The following GRIP1 variants were observed in gnomAD, a reference collection of about 807,000 sequenced individuals.
GRIP1 encodes glutamate receptor-interacting protein 1.
Under a neutral mutation model 129.9 loss-of-function variants are expected in GRIP1, and 45 were observed. The observed-to-expected ratio is 0.35, with a 90% CI of 0.27 to 0.44. The LOEUF is 0.44. Among genes scored for constraint, GRIP1 ranks in the 20% least tolerant of loss-of-function variants. The pLI, the probability that GRIP1 is intolerant of heterozygous loss-of-function variation, is 1.00. For missense variants in GRIP1, 1,196 were observed against 1,396.8 expected (o/e 0.86, Z 2.29); for synonymous variants, 530 against 520.8 (o/e 1.02, Z -0.24).
chr12:66,427,321 GAGA>G (rs965455609), intron 14 of GRIP1, among the ~76,000 whole-genome samples: 3 of 152,046 alleles, frequency 2.0e-5, no homozygotes, highest in Non-Finnish European at 2.9e-5. Flanking sequence ...TGTAGGGTGG[GAGA>G]AGAAGTAAAG....
chr12:66,878,728 C>A (rs759057299), intron 1 of GRIP1, among the ~76,000 whole-genome samples: 57 of 152,052 alleles, frequency 3.7e-4, no homozygotes, highest in Non-Finnish European at 4.7e-4. Flanking sequence ...ACATTGTTAG[C>A]TGGTAAACTA....
intron 1 of GRIP1, among the ~76,000 whole-genome samples, chr12:66,606,807 CA>C (rs1235488741): frequency 1.3e-5 from 2 of 152,084 alleles, no homozygotes; most frequent in Non-Finnish European, 2.9e-5. Context: ...TCAGTACTCA[CA>C]ACAATGTAAT....
At chr12:66,726,413 T>C (rs1487481323) in intron 1 of GRIP1, among the ~76,000 whole-genome samples, 1 of 152,134 alleles carries the variant, frequency 6.6e-6, no homozygotes, top group Non-Finnish European at 1.5e-5. Context: ...GCTTTCCTTA[T>C]CTATAAAATG....
At chr12:66,685,699 T>A (rs187607014) in intron 1 of GRIP1, among the ~76,000 whole-genome samples, 1 of 152,162 alleles carries the variant, frequency 6.6e-6, no homozygotes, top group Non-Finnish European at 1.5e-5. Flanking sequence ...GGGAAGAAAT[T>A]AGATTTCTAA....
At position 67,002,760 on chromosome 12, in the gene GRIP1, C is replaced by T. The variant is rs183966345; in HGVS notation, c.58+66290G>A. On this transcript the variant is annotated intron_variant, in intron 1 of 1. Transcript: ENST00000643019. ...TTTCTTCTTTCCTTTTCTTTATCTA[C>T]TTTTATTTTTTCTTTCCTTTCTTTC... Among the ~76,000 whole-genome samples, 108 of 150,610 alleles carry T rather than the reference C, an allele frequency of 7.2e-4. 4 individuals are homozygous for T. Among genetic ancestry groups the T allele is most frequent in the Admixed American group, 6.5e-3 (98 of 15,032 alleles).
intron 7 of GRIP1, among the ~76,000 whole-genome samples, chr12:66,491,806 G>A (rs1434866538): frequency 6.6e-6 from 1 of 152,072 alleles, no homozygotes; most frequent in Non-Finnish European, 1.5e-5. Context: ...TTGCCACCAA[G>A]GCAAAAAATT....
At chr12:66,917,617 CATTATT>C (rs1228522242) in intron 1 of GRIP1, among the ~76,000 whole-genome samples, 1 of 152,082 alleles carries the variant, frequency 6.6e-6, no homozygotes, top group Non-Finnish European at 1.5e-5. Context: ...GCTTCATTTT[CATTATT>C]ATTTATCCAA....
rs190494740 is a variant in GRIP1, at chr12:66,623,639, C to T, written c.56-26712G>A. On this transcript the variant is annotated intron_variant, in intron 1 of 24. Transcript: ENST00000359742. The stretch of plus-strand genomic sequence containing the variant: ...TCCTAACTGGGGCTCACATACCAGT[C>T]ATCCCTTCCCTCTTTCTGTTTCTTC... Among the ~76,000 whole-genome samples the T allele has an allele frequency of 1.3e-4, 20 of 152,284 alleles. 2 individuals are homozygous for T. In the South Asian group the frequency reaches 3.5e-3, roughly 27 times the overall value.
At chr12:66,829,331 G>A (rs760418008) in intron 1 of GRIP1, among the ~76,000 whole-genome samples, 3 of 152,124 alleles carry the variant, frequency 2.0e-5, no homozygotes, top group Non-Finnish European at 4.4e-5. Context: ...AACTGGGAAG[G>A]GAAAGGGACA....
chr12:66,915,369 G>C (rs1308184559), intron 1 of GRIP1, among the ~76,000 whole-genome samples: 1 of 152,224 alleles, frequency 6.6e-6, no homozygotes, highest in Non-Finnish European at 1.5e-5. Flanking sequence ...TGGGGTGGTA[G>C]TGGAAAAGAC....
chr12:66,688,251 C>G (rs1459128070), intron 1 of GRIP1, among the ~76,000 whole-genome samples: 1 of 152,098 alleles, frequency 6.6e-6, no homozygotes, highest in East Asian at 1.9e-4. Context: ...GATTCTTGAT[C>G]TGCAAAATAA....
At chr12:66,693,329 G>C (rs2136321803) in intron 1 of GRIP1, among the ~76,000 whole-genome samples, 1 of 152,260 alleles carries the variant, frequency 6.6e-6, no homozygotes, top group South Asian at 2.1e-4. Context: ...TGGGTTTGTG[G>C]ATTCTCTTTA....
At chr12:66,666,348 A>T (rs1257410147) in intron 1 of GRIP1, among the ~76,000 whole-genome samples, 5 of 152,118 alleles carry the variant, frequency 3.3e-5, no homozygotes, top group African/African-American at 1.2e-4. Context: ...TCTGCCAAAA[A>T]TTTTTTAAAA....
chr12:66,999,095 T>A (rs1274712757), intron 1 of GRIP1, among the ~76,000 whole-genome samples: 1 of 152,070 alleles, frequency 6.6e-6, no homozygotes, highest in Non-Finnish European at 1.5e-5. Flanking sequence ...TTCATAACAA[T>A]GATAACATCA....
At chr12:66,611,014 G>C (rs1292441027) in intron 1 of GRIP1, among the ~76,000 whole-genome samples, 1 of 152,084 alleles carries the variant, frequency 6.6e-6, no homozygotes, top group Non-Finnish European at 1.5e-5. Flanking sequence ...TTTTGCTTAA[G>C]ACAAGCTTAA....
chr12:66,862,410 G>A (rs2040128149), intron 1 of GRIP1, among the ~76,000 whole-genome samples: 1 of 152,040 alleles, frequency 6.6e-6, no homozygotes, highest in African/African-American at 2.4e-5. Flanking sequence ...CTTCTTGGAG[G>A]CCAGTTTCAT....
At chr12:67,055,215 T>C (rs1323358200) in intron 1 of GRIP1, among the ~76,000 whole-genome samples, 1 of 152,156 alleles carries the variant, frequency 6.6e-6, no homozygotes, top group Non-Finnish European at 1.5e-5. Context: ...AACTTCATGT[T>C]TGTATGCTGG....
chr12:66,694,329 T>C (rs1385429280), intron 1 of GRIP1, among the ~76,000 whole-genome samples: 11 of 152,146 alleles, frequency 7.2e-5, no homozygotes, highest in African/African-American at 2.7e-4. Flanking sequence ...TTAAAAAACT[T>C]TTTTATTTTG....
At chr12:66,758,485 C>T (rs971837921) in intron 1 of GRIP1, among the ~76,000 whole-genome samples, 3 of 151,958 alleles carry the variant, frequency 2.0e-5, no homozygotes, top group Admixed American at 6.6e-5. Flanking sequence ...TGCCCCTAGC[C>T]CCTCCAAATC....
Sources: allele counts gnomAD v4.1 joint callset (sites outside exome capture counted in the v4.1 genomes callset), GRCh38; gene constraint gnomAD v4.1.1; transcripts MANE v1.5; gene names NCBI Gene and HGNC (gene_info 2026-07-23, HGNC 2026-07-21).